Variants in NPAS4 observed in about 807,000 individuals in gnomAD.
NPAS4 encodes the protein neuronal PAS domain protein 4.
NPAS4 carries 10 observed loss-of-function variants against 64.0 expected under a neutral mutation model. That is an observed-to-expected ratio of 0.16 (90% CI 0.10 to 0.26). The LOEUF is 0.26. Among genes scored for constraint, NPAS4 ranks in the 10% least tolerant of loss-of-function variants. The probability of loss-of-function intolerance (pLI) is 1.00; values close to 1 mark genes in which losing one functional copy is unlikely to be tolerated. For synonymous variants in NPAS4, 441 were observed against 411.7 expected, an observed-to-expected ratio of 1.07 and a Z score of -0.86; for missense variants, 886 against 992.6, an observed-to-expected ratio of 0.89 and a Z score of 1.44.
rs371698928 is a variant in NPAS4, at chr11:66,426,057, C to T, written c.*68C>T. On this transcript the variant is annotated 3_prime_UTR_variant, in exon 8 of 8. Coordinates refer to ENST00000311034, the MANE Select transcript of NPAS4 (RefSeq NM_178864.4). ...TCAAGACGTGGAGCCGCTCTCCACC[C>T]CCCCGGGACTGTTGGGGGGATTCTG... The T allele has an allele frequency of 2.5e-6, 3 of 1,195,844 alleles. No homozygotes were observed. Among genetic ancestry groups the T allele is most frequent in the Non-Finnish European group, 3.8e-6 (3 of 799,962 alleles). 74.1% of individuals were successfully genotyped at this position (1,195,844 alleles called of 1,614,324 possible).
At chr11:66,421,941 A>G (rs988497000) in intron 1 of NPAS4, among the ~76,000 whole-genome samples, 179 bp from the exon 2 acceptor site, 1 of 152,226 alleles carries the variant, frequency 6.6e-6, no homozygotes, top group Non-Finnish European at 1.5e-5. Context: ...CTTGTGGGCT[A>G]TGGAGATACA....
chr11:66,424,384 A>G lies in NPAS4; in HGVS notation c.1494A>G (p.Glu498=). ...QLTETSVRSY[E]DQLTPCTSTF... ...CTGAAACCTCGGTCAGAAGCTATGA[A>G]GACCAGTTGACTCCCTGCACCTCCA... Residue 498 remains glutamate, a synonymous_variant, in exon 7 of 8, where the codon GAA becomes GAG. Coordinates refer to ENST00000311034, the MANE Select transcript of NPAS4 (RefSeq NM_178864.4). 6.2e-7 allele frequency: 1 copy of G among 1,614,080 alleles called. No homozygotes were observed. Among genetic ancestry groups the G allele is most frequent in the Non-Finnish European group, 8.5e-7 (1 of 1,179,972 alleles).
chr11:66,411,118 G>A, the NPAS4 span: 1 of 152,334 alleles, frequency 6.6e-6, no homozygotes, highest in Non-Finnish European at 1.5e-5. Context: ...GCCCATCCAG[G>A]GCTGAGAACG....
chr11:66,425,302 T>C (rs1590697141), intron 7 of NPAS4, 32 bp downstream of exon 7: 1 of 1,301,028 alleles, frequency 7.7e-7, no homozygotes. Context: ...AGAACTCAAG[T>C]CCCTGTCCTG....
the NPAS4 span, chr11:66,409,476 T>G: frequency 6.6e-6 from 1 of 151,852 alleles, no homozygotes; most frequent in Admixed American, 6.6e-5. Flanking sequence ...AGGACTTCAC[T>G]ACCCTTGGGG....
Position 66,426,364 on chromosome 11 carries a change from G to A in NPAS4, c.*375G>A, listed in dbSNP as rs1856838357. The A allele has an allele frequency of 1.0e-5, 2 of 200,800 alleles. No individual in the cohort carries two copies. The highest frequency in any genetic ancestry group is 2.1e-5 in the Non-Finnish European group (2 of 97,402). 12.4% of individuals were successfully genotyped at this position (200,800 alleles called of 1,614,324 possible). A position where few individuals can be genotyped will look rare whatever the true frequency, so the allele number is the denominator to read the frequency against. On this transcript the variant is annotated 3_prime_UTR_variant, in exon 8 of 8. Coordinates refer to ENST00000311034, the MANE Select transcript of NPAS4 (RefSeq NM_178864.4). ...CTAGCCTTGGTGGGGGAAAGGCAGG[G>A]CCCACCCGGGCCAGCCCGTGCCCTG...
At chr11:66,413,601 C>T in the NPAS4 span, among the ~76,000 whole-genome samples, 1 of 152,248 alleles carries the variant, frequency 6.6e-6, no homozygotes, top group Non-Finnish European at 1.5e-5. Context: ...GTTAACACAA[C>T]CTCAGCTACA....
Position 66,422,849 on chromosome 11 carries a change from T to TCCTGGC in NPAS4, c.623_628dup (p.Gly208_Pro209dup), listed in dbSNP as rs770959565. The TCCTGGC allele has an allele frequency of 1.5e-4, 242 of 1,613,452 alleles. 1 individual carries two copies. Among genetic ancestry groups the TCCTGGC allele is most frequent in the South Asian group, 7.6e-4 (69 of 91,086 alleles). ...CTCTGGAGCCGAGACCCCGCCCAGG[T>TCCTGGC]CCTGGCCCTGGCCCTGGCCCTGCCT... On this transcript the variant is annotated inframe_insertion, in exon 4 of 8. Transcript: ENST00000311034.
At chr11:66,421,880 G>C (rs1372053455) in intron 1 of NPAS4, among the ~76,000 whole-genome samples, 1 of 152,218 alleles carries the variant, frequency 6.6e-6, no homozygotes, top group Non-Finnish European at 1.5e-5. Context: ...TCTGTCCGCG[G>C]TTCTGAAATT....
At chr11:66,413,187 G>A in the NPAS4 span, among the ~76,000 whole-genome samples, 2 of 152,184 alleles carry the variant, frequency 1.3e-5, no homozygotes, top group East Asian at 1.9e-4. Context: ...TGGCCTCAGC[G>A]GTAATGTCAG....
chr11:66,425,286 G>T lies in NPAS4; in HGVS notation c.2380+16G>T, dbSNP rs772639217. ...TTCCATGAAGGTGAGTCAGCCAAAA[G>T]GTCCAAGAACTCAAGTCCCTGTCCT... On this transcript the variant is annotated intron_variant, in intron 7 of 7. Transcript: ENST00000311034. 6.9e-7 allele frequency: 1 copy of T among 1,458,258 alleles called. No individual in the cohort carries two copies. The highest frequency in any genetic ancestry group is 9.2e-7 in the Non-Finnish European group (1 of 1,090,916). 90.3% of individuals were successfully genotyped at this position (1,458,258 alleles called of 1,614,324 possible). A position where few individuals can be genotyped will look rare whatever the true frequency, so the allele number is the denominator to read the frequency against.
At chr11:66,420,012 C>A (rs1011988288), upstream of NPAS4, among the ~76,000 whole-genome samples, 4 of 152,172 alleles carry the variant, frequency 2.6e-5, no homozygotes, top group Non-Finnish European at 5.9e-5. Flanking sequence ...CCGCCGCAGC[C>A]GCGGCAGCCG....
the NPAS4 span, among the ~76,000 whole-genome samples, chr11:66,415,090 C>A: frequency 6.6e-6 from 1 of 152,284 alleles, no homozygotes; most frequent in African/African-American, 2.4e-5. Flanking sequence ...CCCTGAGACC[C>A]CCCTGCCCAA....
At chr11:66,421,471 T>G in intron 1 of NPAS4, 117 bp downstream of exon 1, 1 of 876,820 alleles carries the variant, frequency 1.1e-6, no homozygotes, top group Non-Finnish European at 1.8e-6. Flanking sequence ...GCTGGGGAGA[T>G]TCGGGACTCG....
intron 1 of NPAS4, 89 bp from the exon 2 acceptor site, chr11:66,422,031 G>T: frequency 8.2e-7 from 1 of 1,224,706 alleles, no homozygotes; most frequent in East Asian, 2.4e-5. Flanking sequence ...AAATTCCTCT[G>T]GATTCTCTGA....
At chr11:66,417,361 AG>A (rs1243675254), upstream of NPAS4, among the ~76,000 whole-genome samples, 3 of 152,092 alleles carry the variant, frequency 2.0e-5, no homozygotes, top group African/African-American at 7.2e-5. Flanking sequence ...AACTAAAGAA[AG>A]CCCTTCTCTT....
chr11:66,424,148 C>A lies in NPAS4; in HGVS notation c.1258C>A (p.Leu420Ile). 6.2e-7 allele frequency: 1 copy of A among 1,614,100 alleles called. No individual in the cohort carries two copies. The highest frequency in any genetic ancestry group is 8.5e-7 in the Non-Finnish European group (1 of 1,180,012). The change falls in exon 7 of 8, where the codon CTT (leucine) becomes ATT (isoleucine). Residue 420 changes from leucine (L) to isoleucine (I), a missense_variant. Coordinates refer to ENST00000311034, the MANE Select transcript of NPAS4 (RefSeq NM_178864.4). ...PSLQAELSKD[L>I]VCTPPYTPHQ... The stretch of plus-strand genomic sequence containing the variant: ...TCTCCAAGCAGAACTAAGCAAGGAT[C>A]TTGTGTGCACTCCACCTTACACGCC...
In NPAS4 at chr11:66,424,424, C is replaced by T; in HGVS notation, c.1534C>T (p.Leu512=). The part of the protein sequence containing the change: ...TPCTSTFPDQ[L]LPSTATFPEP... Reference sequence around the variant, plus strand: ...CTGCACCTCCACCTTCCCAGACCAGCTGCTTCCCAGCACAGCCACCTTCCC... The same window carrying T: ...CTGCACCTCCACCTTCCCAGACCAGTTGCTTCCCAGCACAGCCACCTTCCC... The change falls in exon 7 of 8, where the codon CTG becomes TTG. Residue 512 remains leucine, a synonymous_variant. Transcript: ENST00000311034. The T allele has an allele frequency of 1.2e-6, 2 of 1,614,126 alleles. No homozygotes were observed. Among genetic ancestry groups the T allele is most frequent in the Non-Finnish European group, 1.7e-6 (2 of 1,180,006 alleles).
At chr11:66,412,054 G>T in the NPAS4 span, among the ~76,000 whole-genome samples, 1 of 152,232 alleles carries the variant, frequency 6.6e-6, no homozygotes, top group Non-Finnish European at 1.5e-5. Flanking sequence ...AACAAGGAGA[G>T]ACTTGAAGCT....
Sources: allele counts gnomAD v4.1 joint callset (sites outside exome capture counted in the v4.1 genomes callset), GRCh38; gene constraint gnomAD v4.1.1; transcripts MANE v1.5; gene names NCBI Gene and HGNC (gene_info 2026-07-23, HGNC 2026-07-21).